The following BCAS3 variants were observed in gnomAD, a reference collection of about 807,000 sequenced individuals.
BCAS3 encodes the protein BCAS4/BCAS3 fusion.
A neutral mutation model predicts 116.1 loss-of-function variants in BCAS3; 53 were observed. That is an observed-to-expected ratio of 0.46 (90% CI 0.37 to 0.57). BCAS3 has a LOEUF of 0.57. Ranked by LOEUF, BCAS3 falls within the 20% of genes least tolerant of loss-of-function variation. The probability of loss-of-function intolerance (pLI) is 0.00; values close to 1 mark genes in which losing one functional copy is unlikely to be tolerated. For synonymous variants in BCAS3, 391 were observed against 408.2 expected (o/e 0.96, Z 0.51); for missense variants, 917 against 1,165.4 (o/e 0.79, Z 3.10).
intron 22 of BCAS3, among the ~76,000 whole-genome samples, chr17:61,127,283 C>G (rs773864549): frequency 6.6e-6 from 1 of 152,122 alleles, no homozygotes; most frequent in Non-Finnish European, 1.5e-5. Context: ...ATTCAAGGAG[C>G]CAGGTTAGCG....
rs1313474055 is a variant in BCAS3, at chr17:61,228,084, C to T, written c.2426-140243C>T. Among the ~76,000 whole-genome samples, 1 of 152,202 alleles carries T rather than the reference C, an allele frequency of 6.6e-6. No homozygotes were observed. Among genetic ancestry groups the T allele is most frequent in the Non-Finnish European group, 1.5e-5 (1 of 68,038 alleles). On this transcript the variant is annotated intron_variant, in intron 22 of 23. Coordinates refer to ENST00000407086, the MANE Select transcript of BCAS3 (RefSeq NM_017679.5). This position sits in a 1 kb window ranked among gnomAD's most constrained non-coding sequence, Gnocchi z 5.0. The stretch of plus-strand genomic sequence containing the variant: ...CTTCCTTTACACACATTCCTGCATA[C>T]TCCTGCTTCACCCTCAAGGCCCAGT...
intron 4 of BCAS3, among the ~76,000 whole-genome samples, chr17:60,698,781 C>G (rs1406577718): frequency 6.6e-6 from 1 of 152,046 alleles, no homozygotes; most frequent in East Asian, 1.9e-4. Context: ...CAGGGCCAGG[C>G]ACAGTGGCTC....
In BCAS3 at chr17:61,088,652, C is replaced by T. The variant is rs2073279456; in HGVS notation, c.2425+4088C>T. 6.6e-6 allele frequency among the ~76,000 whole-genome samples: 1 copy of T among 152,154 alleles called. No homozygotes were observed. On this transcript the variant is annotated intron_variant, in intron 22 of 23. Coordinates refer to ENST00000407086, the MANE Select transcript of BCAS3 (RefSeq NM_017679.5). The surrounding 1 kb of genome is among the most constrained non-coding windows in gnomAD (Gnocchi z 4.2). ...TTGAAGGCTATACCTAATAGATAAC[C>T]TTTCCTTGCTTCTGAGTCATCAAAT...
At chr17:61,009,498 C>T (rs2064961211) in intron 15 of BCAS3, among the ~76,000 whole-genome samples, 1 of 152,020 alleles carries the variant, frequency 6.6e-6, no homozygotes, top group Non-Finnish European at 1.5e-5. Flanking sequence ...CTTTAAGGTA[C>T]TTTCTGATCT....
At chr17:61,252,874 C>T (rs1056969292) in intron 22 of BCAS3, among the ~76,000 whole-genome samples, 1 of 126,084 alleles carries the variant, frequency 7.9e-6, no homozygotes, top group African/African-American at 2.9e-5. Flanking sequence ...GTAATCTGTT[C>T]CTATACATTT....
intron 14 of BCAS3, among the ~76,000 whole-genome samples, chr17:60,987,548 A>G (rs900312342): frequency 2.0e-4 from 31 of 151,740 alleles, no homozygotes; most frequent in African/African-American, 6.8e-4. Context: ...CATTGTAGAG[A>G]TCTTTCACTT....
intron 22 of BCAS3, among the ~76,000 whole-genome samples, chr17:61,283,515 G>T (rs955729926): frequency 2.0e-5 from 3 of 150,724 alleles, no homozygotes; most frequent in Admixed American, 2.0e-4. Context: ...GTGCAGTGGT[G>T]CCATCTCAGC....
rs1185212147 is a variant in BCAS3 at position 61,098,125 on chromosome 17, G to C, written c.2425+13561G>C. ...CTTAAAAGCTGTCTCTGTTATCATG[G>C]ATATAAATGGTGCTGGAGGGTCCTT... On this transcript the variant is annotated intron_variant, in intron 22 of 23. Coordinates refer to ENST00000407086, the MANE Select transcript of BCAS3 (RefSeq NM_017679.5). The surrounding 1 kb of genome is among the most constrained non-coding windows in gnomAD (Gnocchi z 4.2). Among the ~76,000 whole-genome samples, 2 of 152,198 alleles carry C rather than the reference G, an allele frequency of 1.3e-5. No individual in the cohort carries two copies. The highest frequency in any genetic ancestry group is 4.8e-5 in the African/African-American group (2 of 41,454).
At chr17:60,863,301 G>A (rs1352815213) in intron 7 of BCAS3, among the ~76,000 whole-genome samples, 4 of 152,110 alleles carry the variant, frequency 2.6e-5, no homozygotes, top group Non-Finnish European at 4.4e-5. Flanking sequence ...CCTGACTATT[G>A]CAGCTTTATA....
intron 22 of BCAS3, among the ~76,000 whole-genome samples, chr17:61,194,553 A>G (rs891956838): frequency 2.0e-5 from 3 of 152,124 alleles, no homozygotes; most frequent in Non-Finnish European, 4.4e-5. Flanking sequence ...AGCCTGGCCA[A>G]TATGGTGAAA....
chr17:60,894,193 T>C (rs1009200383), intron 10 of BCAS3, among the ~76,000 whole-genome samples: 2 of 152,178 alleles, frequency 1.3e-5, no homozygotes, highest in African/African-American at 4.8e-5. Context: ...TAAATCATAT[T>C]GATTCTTTCA....
chr17:60,799,524 G>GTTTTTTT (rs869112996), intron 6 of BCAS3, among the ~76,000 whole-genome samples: 76 of 102,366 alleles, frequency 7.4e-4, no homozygotes, highest in African/African-American at 9.7e-4. Flanking sequence ...ATTAGTGTTT[G>GTTTTTTT]TTTTTTTTTT....
intron 10 of BCAS3, among the ~76,000 whole-genome samples, chr17:60,893,546 G>T (rs2057313962): frequency 6.8e-6 from 1 of 146,690 alleles, no homozygotes; most frequent in African/African-American, 2.5e-5. Context: ...ATATCAGTTG[G>T]TTATAAGTAT....
chr17:61,101,852 GGGGACTGCA>G (rs1163191053), intron 22 of BCAS3, among the ~76,000 whole-genome samples: 2 of 152,098 alleles, frequency 1.3e-5, no homozygotes, highest in Non-Finnish European at 2.9e-5. Flanking sequence ...ATTAATGCAT[GGGGACTGCA>G]GTACCTTTAA....
Position 61,380,645 on chromosome 17 carries a change from C to T in BCAS3, c.2594-11332C>T, listed in dbSNP as rs1421183928. 2.1e-6 allele frequency: 3 copies of T among 1,416,382 alleles called. No individual in the cohort carries two copies. Among genetic ancestry groups the T allele is most frequent in the African/African-American group, 2.8e-5 (2 of 70,862 alleles). The allele number at this position is 1,416,382 out of a possible 1,614,324, so 87.7% of individuals were successfully genotyped here. On this transcript the variant is annotated intron_variant, in intron 23 of 23. Transcript: ENST00000407086. The surrounding 1 kb of genome is among the most constrained non-coding windows in gnomAD (Gnocchi z 4.2). ...TTCTTTTGTCCCTCAAGAGGGTGCC[C>T]TCCTACCCCCTCGTGCCCAGGCCCA...
At chr17:61,054,368 T>C (rs1461812362) in intron 19 of BCAS3, among the ~76,000 whole-genome samples, 4 of 152,196 alleles carry the variant, frequency 2.6e-5, no homozygotes, top group African/African-American at 9.7e-5. Context: ...ATAATTCTTT[T>C]TTTTTGGCCA....
chr17:61,311,368 G>C (rs1479890658), intron 22 of BCAS3, among the ~76,000 whole-genome samples: 1 of 152,158 alleles, frequency 6.6e-6, no homozygotes, highest in Non-Finnish European at 1.5e-5. Flanking sequence ...TTCTATGTGA[G>C]GGCACCTCTC....
intron 6 of BCAS3, among the ~76,000 whole-genome samples, chr17:60,793,700 A>G (rs1427725789): frequency 2.6e-5 from 4 of 152,096 alleles, no homozygotes; most frequent in Admixed American, 6.6e-5. Context: ...AAAGTCTCCA[A>G]TCTCATCCAG....
intron 22 of BCAS3, among the ~76,000 whole-genome samples, chr17:61,328,530 G>T (rs906299283): frequency 3.3e-5 from 5 of 152,190 alleles, no homozygotes; most frequent in African/African-American, 4.8e-5. Context: ...GCTTTGTGAG[G>T]CCGAGGCTGG....
Sources: allele counts gnomAD v4.1 joint callset (sites outside exome capture counted in the v4.1 genomes callset), GRCh38; gene constraint gnomAD v4.1.1; non-coding constraint Gnocchi (gnomAD v3.1); transcripts MANE v1.5; gene names NCBI Gene and HGNC (gene_info 2026-07-23, HGNC 2026-07-21).